Variants in CDKAL1 observed in about 807,000 individuals in gnomAD.
CDKAL1 encodes threonylcarbamoyladenosine tRNA methylthiotransferase.
CDKAL1 carries 32 observed loss-of-function variants against 68.2 expected under a neutral mutation model. That is an observed-to-expected ratio of 0.47 (90% CI 0.35 to 0.63). The LOEUF (loss-of-function observed/expected upper bound fraction) is 0.63. CDKAL1 is among the 30% of genes least tolerant of loss of function. CDKAL1 has a pLI of 0.00. For missense variants in CDKAL1, 606 were observed against 696.7 expected (o/e 0.87, Z 1.47); for synonymous variants, 234 against 244.3 (o/e 0.96, Z 0.39).
chr6:20,571,509 T>A (rs1368985892), intron 4 of CDKAL1, among the ~76,000 whole-genome samples: 1 of 152,116 alleles, frequency 6.6e-6, no homozygotes, highest in East Asian at 1.9e-4. Context: ...AATTACAAAT[T>A]TGGGGACTCT....
chr6:21,128,053 G>A (rs563516344), intron 13 of CDKAL1, among the ~76,000 whole-genome samples: 30 of 152,248 alleles, frequency 2.0e-4, no homozygotes, highest in African/African-American at 7.2e-4. Context: ...ATAAACACAC[G>A]GTCCCTGACT....
At chr6:20,813,810 A>C (rs951938182) in intron 8 of CDKAL1, among the ~76,000 whole-genome samples, 2 of 152,074 alleles carry the variant, frequency 1.3e-5, no homozygotes, top group African/African-American at 4.8e-5. Context: ...ATCTCCCTTT[A>C]CACTAGTTTC....
intron 10 of CDKAL1, among the ~76,000 whole-genome samples, chr6:20,957,032 C>CAAAAAAAAAAAAAAAAAAAAA: frequency 1.2e-5 from 1 of 82,286 alleles, no homozygotes; most frequent in African/African-American, 4.9e-5. Context: ...AAAAAAAAAT[C>CAAAAAAAAAAAAAAAAAAAAA]AAATATGCTA....
chr6:20,762,384 T>C (rs1446022013), intron 7 of CDKAL1, among the ~76,000 whole-genome samples: 1 of 152,190 alleles, frequency 6.6e-6, no homozygotes, highest in African/African-American at 2.4e-5. Flanking sequence ...AGGAGAATTT[T>C]TCAGATGGAA....
At chr6:20,691,162 G>C (rs556491575) in intron 5 of CDKAL1, among the ~76,000 whole-genome samples, 1 of 152,080 alleles carries the variant, frequency 6.6e-6, no homozygotes, top group Non-Finnish European at 1.5e-5. Context: ...ATTTGTAAAC[G>C]GCCATTCATT....
At chr6:21,142,682 G>T (rs922515965) in intron 13 of CDKAL1, among the ~76,000 whole-genome samples, 1 of 152,190 alleles carries the variant, frequency 6.6e-6, no homozygotes, top group Non-Finnish European at 1.5e-5. Context: ...ATGGACCAAA[G>T]TACGAATAGA....
intron 4 of CDKAL1, chr6:20,599,509 A>G (rs1199840770): frequency 6.1e-6 from 2 of 326,372 alleles, no homozygotes; most frequent in South Asian, 2.6e-5. Context: ...GCTTTATGCA[A>G]ATATTACCAC....
chr6:21,031,419 C>T (rs1769283428), intron 11 of CDKAL1, among the ~76,000 whole-genome samples: 1 of 151,648 alleles, frequency 6.6e-6, no homozygotes, highest in Admixed American at 6.6e-5. Flanking sequence ...ATCTTAATGT[C>T]CACTAATTTG....
chr6:21,165,191 G>A (rs781764250), intron 13 of CDKAL1, among the ~76,000 whole-genome samples: 16 of 152,168 alleles, frequency 1.1e-4, no homozygotes, highest in Non-Finnish European at 1.6e-4. Flanking sequence ...AGGAGAAGAA[G>A]GACCATTTTG....
At chr6:21,221,922 C>A (rs1779552028) in intron 15 of CDKAL1, among the ~76,000 whole-genome samples, 1 of 152,150 alleles carries the variant, frequency 6.6e-6, no homozygotes, top group South Asian at 2.1e-4. Flanking sequence ...TTTTTTGATA[C>A]GATTATCTCT....
chr6:20,595,643 G>A (rs1468088430), intron 4 of CDKAL1, among the ~76,000 whole-genome samples: 1 of 151,954 alleles, frequency 6.6e-6, no homozygotes, highest in Non-Finnish European at 1.5e-5. Flanking sequence ...ATAGGAGTTT[G>A]TTATTACCCA....
intron 9 of CDKAL1, among the ~76,000 whole-genome samples, chr6:20,872,978 G>A (rs1760301463): frequency 6.6e-6 from 1 of 152,186 alleles, no homozygotes; most frequent in Admixed American, 6.5e-5. Context: ...GATCAAAAAA[G>A]GAGCAGCATG....
chr6:20,953,355 C>T (rs1307055090), intron 9 of CDKAL1, among the ~76,000 whole-genome samples: 2 of 152,100 alleles, frequency 1.3e-5, no homozygotes, highest in East Asian at 3.8e-4. Context: ...GTTCCAGGAA[C>T]CCACACTCTC....
At chr6:20,809,335 C>T (rs911483394) in intron 8 of CDKAL1, among the ~76,000 whole-genome samples, 10 of 152,192 alleles carry the variant, frequency 6.6e-5, no homozygotes, top group African/African-American at 2.4e-4. Flanking sequence ...TTTTGTTCTA[C>T]TTCATATCAC....
Position 20,627,623 on chromosome 6 carries a change from C to A in CDKAL1, c.287-21670C>A, listed in dbSNP as rs568517588. ...TAAGTTTGTTTATGCCTACTGAGAA[C>A]CTTGCTAGGATTTTTGATAGGAATT... On this transcript the variant is annotated intron_variant, in intron 4 of 15. Coordinates refer to ENST00000274695, the MANE Select transcript of CDKAL1 (RefSeq NM_017774.3). Among the ~76,000 whole-genome samples, 179 of 152,226 alleles carry A rather than the reference C, an allele frequency of 1.2e-3. No homozygotes were observed. In the Middle Eastern group the frequency reaches 0.014, roughly 12 times the overall value.
At chr6:21,051,174 C>T (rs1294179447) in intron 11 of CDKAL1, among the ~76,000 whole-genome samples, 10 of 152,062 alleles carry the variant, frequency 6.6e-5, no homozygotes, top group African/African-American at 1.9e-4. Flanking sequence ...TGAGCAATGT[C>T]GTGAGATCTC....
chr6:20,604,497 A>G (rs371449544), intron 4 of CDKAL1, among the ~76,000 whole-genome samples: 2 of 152,160 alleles, frequency 1.3e-5, no homozygotes, highest in South Asian at 2.1e-4. Context: ...TCTACCTATA[A>G]TGCTTCTGCC....
intron 11 of CDKAL1, among the ~76,000 whole-genome samples, chr6:21,048,813 G>GT (rs556573948): frequency 6.6e-5 from 10 of 151,014 alleles, no homozygotes; most frequent in Admixed American, 5.3e-4. Context: ...TCTCTAAGTG[G>GT]TTTTTTTTCA....
intron 5 of CDKAL1, among the ~76,000 whole-genome samples, chr6:20,655,531 AG>A (rs1335921900): frequency 6.6e-6 from 1 of 152,220 alleles, no homozygotes; most frequent in East Asian, 1.9e-4. Flanking sequence ...TTACTGCCTG[AG>A]GTCTGCCTGC....
Sources: allele counts gnomAD v4.1 joint callset (sites outside exome capture counted in the v4.1 genomes callset), GRCh38; gene constraint gnomAD v4.1.1; transcripts MANE v1.5; gene names NCBI Gene and HGNC (gene_info 2026-07-23, HGNC 2026-07-21).